GPR158: variants seen among roughly 807,000 people sequenced by gnomAD.
The protein encoded by GPR158 is G protein-coupled receptor 158, also known as metabotropic glycine receptor.
Under a neutral mutation model 78.2 loss-of-function variants are expected in GPR158, and 30 were observed. The observed-to-expected ratio is 0.38, with a 90% CI of 0.29 to 0.52. The LOEUF (loss-of-function observed/expected upper bound fraction) is 0.52, where lower values mean the gene tolerates loss of function less well. Ranked by LOEUF, GPR158 falls within the 20% of genes least tolerant of loss-of-function variation. The pLI, the probability that GPR158 is intolerant of heterozygous loss-of-function variation, is 0.83. For synonymous variants in GPR158, 581 were observed against 591.1 expected, an observed-to-expected ratio of 0.98 and a Z score of 0.25; for missense variants, 1,463 against 1,523.5, an observed-to-expected ratio of 0.96 and a Z score of 0.66.
At chr10:25,484,897 T>C (rs1048820268) in intron 5 of GPR158, among the ~76,000 whole-genome samples, 1 of 152,200 alleles carries the variant, frequency 6.6e-6, no homozygotes, top group South Asian at 2.1e-4. Flanking sequence ...AGGCTAACAA[T>C]CTATACTTTA....
intron 4 of GPR158, among the ~76,000 whole-genome samples, chr10:25,433,694 C>CTTTTTT (rs3082190): frequency 2.4e-4 from 26 of 109,808 alleles, no homozygotes; most frequent in African/African-American, 4.2e-4. Context: ...TTCTTTCTTT[C>CTTTTTT]TTTTTTTTTT....
intron 2 of GPR158, among the ~76,000 whole-genome samples, chr10:25,310,900 T>G (rs1263546979): frequency 6.6e-6 from 1 of 152,078 alleles, no homozygotes; most frequent in African/African-American, 2.4e-5. Context: ...GTTTGAGTTA[T>G]GGATCTGATT....
Position 25,210,140 on chromosome 10 carries a change from GAACCCACCCC to G in GPR158, c.903-10910_903-10901del, listed in dbSNP as rs1336247807. ...TTCAAAAAAGTATCTTGTTTCCCTT[GAACCCACCCC>G]ATTTACAACTAGCCTGTGCAGTGTA... On this transcript the variant is annotated intron_variant, in intron 1 of 10. Transcript: ENST00000376351. 2.0e-5 allele frequency among the ~76,000 whole-genome samples: 3 copies of G among 152,242 alleles called. No homozygotes were observed. In the East Asian group the frequency reaches 5.8e-4, roughly 29 times the overall value.
intron 2 of GPR158, among the ~76,000 whole-genome samples, chr10:25,263,774 T>C (rs1004740328): frequency 3.9e-5 from 6 of 152,022 alleles, no homozygotes; most frequent in Non-Finnish European, 8.8e-5. Context: ...CCGTCTCTAC[T>C]AAAAATATAG....
chr10:25,360,639 A>G (rs1048687507), intron 2 of GPR158, among the ~76,000 whole-genome samples: 1 of 152,108 alleles, frequency 6.6e-6, no homozygotes, highest in Admixed American at 6.6e-5. Context: ...TGGTACCAGT[A>G]CCACGCAGTT....
At chr10:25,551,711 T>G (rs569551054) in intron 6 of GPR158, among the ~76,000 whole-genome samples, 3 of 152,292 alleles carry the variant, frequency 2.0e-5, no homozygotes, top group South Asian at 2.1e-4. Flanking sequence ...TAGGAATGGC[T>G]GGAAATTATT....
At chr10:25,337,016 A>T (rs908559056) in intron 2 of GPR158, among the ~76,000 whole-genome samples, 4 of 152,058 alleles carry the variant, frequency 2.6e-5, no homozygotes, top group Admixed American at 6.6e-5. Flanking sequence ...AAAATAAGTA[A>T]TTTATAACTG....
chr10:25,287,117 C>T (rs1042203437), intron 2 of GPR158, among the ~76,000 whole-genome samples: 1 of 152,090 alleles, frequency 6.6e-6, no homozygotes. Flanking sequence ...CTCAGTGCTC[C>T]TACGCCACTC....
At chr10:25,240,797 T>C (rs896374331) in intron 2 of GPR158, among the ~76,000 whole-genome samples, 5 of 152,332 alleles carry the variant, frequency 3.3e-5, no homozygotes, top group African/African-American at 1.2e-4. Flanking sequence ...TATCTATCAA[T>C]TGGGAGTAGA....
chr10:25,260,344 C>T (rs1046623606), intron 2 of GPR158, among the ~76,000 whole-genome samples: 9 of 152,020 alleles, frequency 5.9e-5, no homozygotes, highest in Admixed American at 1.3e-4. Context: ...ATTTCATCTC[C>T]GGAAATCTTT....
chr10:25,515,615 C>T (rs1481297396), intron 5 of GPR158, among the ~76,000 whole-genome samples: 20 of 116,144 alleles, frequency 1.7e-4, no homozygotes, highest in Admixed American at 7.1e-4. Flanking sequence ...TGAGAATATG[C>T]GGTGTTTGGT....
chr10:25,307,597 G>C (rs1314715789), intron 2 of GPR158, among the ~76,000 whole-genome samples: 2 of 151,946 alleles, frequency 1.3e-5, no homozygotes, highest in Middle Eastern at 3.4e-3. Context: ...CTTGTCTCGA[G>C]CTTCTGGGCT....
intron 2 of GPR158, chr10:25,244,843 CTTTT>C (rs111796937): frequency 6.9e-6 from 1 of 145,104 alleles, no homozygotes; most frequent in Admixed American, 7.0e-5. Context: ...GTATCCTAGA[CTTTT>C]TTTTTTTTTA....
chr10:25,582,918 T>C (rs973245251), intron 7 of GPR158, among the ~76,000 whole-genome samples: 1 of 152,220 alleles, frequency 6.6e-6, no homozygotes, highest in Non-Finnish European at 1.5e-5. Context: ...CTGTTCTAAA[T>C]ACAAACAATT....
At position 25,535,263 on chromosome 10, in the gene GPR158, C is replaced by A. The variant is rs117132146; in HGVS notation, c.1405-15713C>A. On this transcript the variant is annotated intron_variant, in intron 5 of 10. Transcript: ENST00000376351. ...CTTGACTAATTAGTTTCTAATCAAT[C>A]AAACAGATTAACATTGAAAGAATGT... Among the ~76,000 whole-genome samples the A allele has an allele frequency of 7.0e-3, 1,069 of 152,310 alleles. 2 individuals carry two copies. Among genetic ancestry groups the A allele is most frequent in the Non-Finnish European group, 0.011 (733 of 68,026 alleles).
At chr10:25,280,297 T>C (rs1854249745) in intron 2 of GPR158, among the ~76,000 whole-genome samples, 1 of 152,108 alleles carries the variant, frequency 6.6e-6, no homozygotes, top group Admixed American at 6.5e-5. Context: ...GCCAGGAGAA[T>C]ACTAATTAAA....
chr10:25,342,430 T>C (rs11014507), intron 2 of GPR158, among the ~76,000 whole-genome samples: 19,822 of 152,004 alleles, frequency 0.13, 1,718 homozygotes, highest in Non-Finnish European at 0.19. Flanking sequence ...CACAGAAATG[T>C]GCTTTTCTGA....
chr10:25,354,945 T>C (rs1855527590), intron 2 of GPR158, among the ~76,000 whole-genome samples: 1 of 152,112 alleles, frequency 6.6e-6, no homozygotes, highest in Admixed American at 6.6e-5. Context: ...GGAACTCCTT[T>C]ATATGCTATT....
At chr10:25,326,497 A>G (rs1420584790) in intron 2 of GPR158, among the ~76,000 whole-genome samples, 2 of 152,062 alleles carry the variant, frequency 1.3e-5, no homozygotes, top group African/African-American at 2.4e-5. Flanking sequence ...TTTTCTCTTT[A>G]CTCGATTGGT....
Sources: allele counts gnomAD v4.1 joint callset (sites outside exome capture counted in the v4.1 genomes callset), GRCh38; gene constraint gnomAD v4.1.1; transcripts MANE v1.5; gene names NCBI Gene and HGNC (gene_info 2026-07-23, HGNC 2026-07-21).